The following ASXL3 variants were observed in gnomAD, a reference collection of about 807,000 sequenced individuals.
ASXL3 encodes the protein putative Polycomb group protein ASXL3.
ASXL3 carries 34 observed loss-of-function variants against 170.6 expected under a neutral mutation model. The observed-to-expected ratio is 0.20, with a 90% confidence interval of 0.15 to 0.27. The LOEUF is 0.27. ASXL3 is among the 10% of genes least tolerant of loss of function. The probability of loss-of-function intolerance (pLI) is 1.00; values close to 1 mark genes in which losing one functional copy is unlikely to be tolerated. For synonymous variants in ASXL3, 1,002 were observed against 989.1 expected (o/e 1.01, Z -0.24); for missense variants, 2,592 against 2,695.3 (o/e 0.96, Z 0.85).
At chr18:33,621,803 A>T (rs2065517866) in intron 2 of ASXL3, among the ~76,000 whole-genome samples, 1 of 152,150 alleles carries the variant, frequency 6.6e-6, no homozygotes, top group Non-Finnish European at 1.5e-5. Flanking sequence ...AAGGGCCAAT[A>T]GATTTGTCTG....
intron 1 of ASXL3, among the ~76,000 whole-genome samples, chr18:33,596,352 T>C (rs2065126674): frequency 6.6e-6 from 1 of 152,168 alleles, no homozygotes; most frequent in Non-Finnish European, 1.5e-5. Flanking sequence ...TTGTATTTCA[T>C]TTTAGTGTAT....
In ASXL3 at chr18:33,637,402, G is replaced by A. The variant is rs1222792738; in HGVS notation, c.138-7492G>A. The stretch of plus-strand genomic sequence containing the variant: ...TGTATTTGGTGAGTGTGCAAAAGGA[G>A]AATGCAACATACATTTCTCAAACAC... On this transcript the variant is annotated intron_variant, in intron 2 of 11. Coordinates refer to ENST00000269197, the MANE Select transcript of ASXL3 (RefSeq NM_030632.3). Among the ~76,000 whole-genome samples, 7 of 152,162 alleles carry A rather than the reference G, an allele frequency of 4.6e-5. 1 individual carries two copies. In the South Asian group the frequency reaches 8.3e-4, roughly 18 times the overall value.
chr18:33,744,398 C>A lies in ASXL3; in HGVS notation c.4550C>A (p.Pro1517His). Residue 1517 changes from proline to histidine, a missense_variant, in exon 12 of 12, where the codon CCT becomes CAT. Transcript: ENST00000269197. ...TEASVQPVACPQVSVISRPEP... is the reference protein window; with the variant it reads ...TEASVQPVACHQVSVISRPEP... Reference sequence around the variant, plus strand: ...GCATCCGTACAGCCCGTGGCGTGTCCTCAGGTGTCTGTGATTAGCAGGCCT... The same window carrying A: ...GCATCCGTACAGCCCGTGGCGTGTCATCAGGTGTCTGTGATTAGCAGGCCT... 1 of 1,613,784 alleles carries A rather than the reference C, an allele frequency of 6.2e-7. No individual in the cohort carries two copies. Among genetic ancestry groups the A allele is most frequent in the Non-Finnish European group, 8.5e-7 (1 of 1,179,794 alleles).
At chr18:33,614,075 C>A (rs979003633) in intron 2 of ASXL3, among the ~76,000 whole-genome samples, 4 of 152,058 alleles carry the variant, frequency 2.6e-5, no homozygotes, top group African/African-American at 9.7e-5. Flanking sequence ...TAAAGTAAGA[C>A]AACAATGAAG....
rs1290483905 is a variant in ASXL3 at position 33,607,662 on chromosome 18, G to A, written c.123G>A (p.Gly41=). Residue 41 remains glycine, a synonymous_variant, in exon 2 of 12, where the codon GGG becomes GGA. Transcript: ENST00000269197. The part of the protein sequence containing the change: ...KQILEVIQKE[G]LKETSGTSPL... Reference sequence around the variant, plus strand: ...TATTGGAAGTCATTCAGAAAGAAGGGTTAAAAGAAACAAGGTCAGTATCCA... The same window carrying A: ...TATTGGAAGTCATTCAGAAAGAAGGATTAAAAGAAACAAGGTCAGTATCCA... 1.3e-6 allele frequency: 2 copies of A among 1,581,008 alleles called. No homozygotes were observed. Among genetic ancestry groups the A allele is most frequent in the African/African-American group, 1.4e-5 (1 of 74,072 alleles).
intron 8 of ASXL3, among the ~76,000 whole-genome samples, chr18:33,685,181 A>C (rs565106276): frequency 1.3e-5 from 2 of 152,312 alleles, no homozygotes; most frequent in African/African-American, 4.8e-5. Flanking sequence ...GGGAAACATG[A>C]AAGTAGAAAG....
At chr18:33,669,377 T>C (rs2066306358) in intron 5 of ASXL3, among the ~76,000 whole-genome samples, 1 of 152,164 alleles carries the variant, frequency 6.6e-6, no homozygotes, top group Non-Finnish European at 1.5e-5. Flanking sequence ...ACTTAATAAA[T>C]GTAAGAATCA....
At chr18:33,731,102 A>AT (rs2067434518) in intron 8 of ASXL3, among the ~76,000 whole-genome samples, 1 of 152,200 alleles carries the variant, frequency 6.6e-6, no homozygotes, top group African/African-American at 2.4e-5. Context: ...TTGCTCCTGA[A>AT]TGATGATTGA....
At chr18:33,733,167 A>G (rs2067480477) in intron 9 of ASXL3, among the ~76,000 whole-genome samples, 1 of 152,142 alleles carries the variant, frequency 6.6e-6, no homozygotes, top group South Asian at 2.1e-4. Flanking sequence ...CCAGCGTGCC[A>G]AGAATTTTCA....
At chr18:33,592,167 A>G (rs1599374950) in intron 1 of ASXL3, among the ~76,000 whole-genome samples, 1 of 152,074 alleles carries the variant, frequency 6.6e-6, no homozygotes, top group Admixed American at 6.5e-5. Context: ...CATGAAAGGT[A>G]TCATCTAGAG....
chr18:33,625,171 T>A (rs908574016), intron 2 of ASXL3, among the ~76,000 whole-genome samples: 9 of 152,164 alleles, frequency 5.9e-5, no homozygotes, highest in Non-Finnish European at 1.0e-4. Context: ...GTTGTTTTTT[T>A]AATAACTCTT....
intron 8 of ASXL3, among the ~76,000 whole-genome samples, chr18:33,701,734 C>CAA (rs1242641924): frequency 6.6e-6 from 1 of 152,022 alleles, no homozygotes; most frequent in African/African-American, 2.4e-5. Flanking sequence ...TCCTACTTAA[C>CAA]GTTTGTTGAA....
chr18:33,691,122 T>G (rs2066680552), intron 8 of ASXL3, among the ~76,000 whole-genome samples: 2 of 152,256 alleles, frequency 1.3e-5, no homozygotes, highest in South Asian at 4.1e-4. Flanking sequence ...AGCTGTTGGG[T>G]AGTCACAGCA....
intron 1 of ASXL3, among the ~76,000 whole-genome samples, chr18:33,601,520 T>C (rs1568271107): frequency 6.6e-6 from 1 of 151,846 alleles, no homozygotes; most frequent in African/African-American, 2.4e-5. Context: ...ATTATTATTC[T>C]ATAAAAAGTT....
intron 1 of ASXL3, among the ~76,000 whole-genome samples, chr18:33,598,411 C>G (rs1035975766): frequency 2.6e-5 from 4 of 152,146 alleles, no homozygotes; most frequent in Admixed American, 2.6e-4. Flanking sequence ...GTCCATTGCC[C>G]CCCAGTGCCT....
intron 7 of ASXL3, among the ~76,000 whole-genome samples, chr18:33,672,450 A>C (rs1444402676): frequency 1.3e-5 from 2 of 152,200 alleles, no homozygotes; most frequent in African/African-American, 2.4e-5. Context: ...ATAACTTTTC[A>C]TCAGGAACCC....
chr18:33,643,610 A>G (rs1568299551), intron 2 of ASXL3, among the ~76,000 whole-genome samples: 1 of 151,942 alleles, frequency 6.6e-6, no homozygotes, highest in African/African-American at 2.4e-5. Flanking sequence ...CATGATGTAT[A>G]TATATGCTGC....
At chr18:33,663,653 C>G (rs1192422283) in intron 5 of ASXL3, among the ~76,000 whole-genome samples, 1 of 151,948 alleles carries the variant, frequency 6.6e-6, no homozygotes, top group East Asian at 1.9e-4. Flanking sequence ...TAACCTATAG[C>G]AAATAAGTAA....
At chr18:33,578,707 C>T (rs750046495) in intron 1 of ASXL3, 22 bp downstream of exon 1, 11 of 1,219,246 alleles carry the variant, frequency 9.0e-6, no homozygotes, top group Non-Finnish European at 1.1e-5. Context: ...CCCCCACACG[C>T]CGCCCGCGCC....
Sources: gnomAD v4.1 joint callset for allele counts (sites outside exome capture counted in the v4.1 genomes callset) on GRCh38, gnomAD v4.1.1 for gene constraint, MANE v1.5 for transcripts, NCBI Gene and HGNC (gene_info 2026-07-23, HGNC 2026-07-21) for gene names.